Variants in TLL1 observed in about 807,000 individuals in gnomAD.
TLL1 encodes tolloid-like protein 1.
TLL1 carries 49 observed loss-of-function variants against 128.2 expected under a neutral mutation model. The observed-to-expected ratio is 0.38, with a 90% CI of 0.30 to 0.48. TLL1 has a LOEUF of 0.48. Among genes scored for constraint, TLL1 ranks in the 20% least tolerant of loss-of-function variants. TLL1 has a pLI of 0.96. For missense variants in TLL1, 1,123 were observed against 1,242.0 expected (o/e 0.90, Z 1.44); for synonymous variants, 454 against 418.8 (o/e 1.08, Z -1.03).
intron 1 of TLL1, among the ~76,000 whole-genome samples, chr4:165,986,639 CT>C (rs1298831195): frequency 1.3e-5 from 2 of 151,966 alleles, no homozygotes; most frequent in African/African-American, 4.8e-5. Flanking sequence ...AATAAATGGG[CT>C]TATGTCCTCC....
At chr4:165,957,471 A>ATT (rs35706378) in intron 1 of TLL1, among the ~76,000 whole-genome samples, 1,944 of 150,338 alleles carry the variant, frequency 0.013, 55 homozygotes, top group African/African-American at 0.044. Context: ...GAAATTCTGG[A>ATT]TTTTTTTTTT....
chr4:165,951,148 T>C (rs951097808), intron 1 of TLL1, among the ~76,000 whole-genome samples: 3 of 152,130 alleles, frequency 2.0e-5, no homozygotes, highest in Non-Finnish European at 2.9e-5. Context: ...AAAGACTAGA[T>C]GAAATAGACA....
intron 1 of TLL1, among the ~76,000 whole-genome samples, chr4:165,888,275 T>A (rs1187987121): frequency 1.3e-5 from 2 of 152,204 alleles, no homozygotes; most frequent in Non-Finnish European, 2.9e-5. Flanking sequence ...ACATAGGCAC[T>A]TTTTATCAAA....
At chr4:165,913,297 T>C (rs1471852037) in intron 1 of TLL1, among the ~76,000 whole-genome samples, 1 of 152,200 alleles carries the variant, frequency 6.6e-6, no homozygotes, top group East Asian at 1.9e-4. Context: ...TTTATATCCT[T>C]ATGTTGCTGA....
At chr4:165,990,009 A>G (rs1736565575) in intron 2 of TLL1, among the ~76,000 whole-genome samples, 1 of 151,902 alleles carries the variant, frequency 6.6e-6, no homozygotes, top group Non-Finnish European at 1.5e-5. Flanking sequence ...TTGAAATTAT[A>G]TAGGAATAAT....
chr4:166,042,153 A>G lies in TLL1; in HGVS notation c.1378+10A>G. ...GCAGCTGTCTATGAAGGTAAGTCACATTGAATTTTAGAGAGTAGTTCATCT... is the reference window on the plus strand; with the variant it reads ...GCAGCTGTCTATGAAGGTAAGTCACGTTGAATTTTAGAGAGTAGTTCATCT... On this transcript the variant is annotated intron_variant, in intron 11 of 20. Transcript: ENST00000061240. The G allele has an allele frequency of 6.4e-7, 1 of 1,566,726 alleles. No homozygotes were observed. The highest frequency in any genetic ancestry group is 8.8e-7 in the Non-Finnish European group (1 of 1,137,852).
chr4:166,020,478 G>A (rs1255602433), intron 8 of TLL1, among the ~76,000 whole-genome samples: 4 of 152,148 alleles, frequency 2.6e-5, no homozygotes, highest in Non-Finnish European at 5.9e-5. Flanking sequence ...TATACGAGTT[G>A]TAACGTATTT....
At chr4:165,913,484 G>A (rs1732637747) in intron 1 of TLL1, among the ~76,000 whole-genome samples, 1 of 152,114 alleles carries the variant, frequency 6.6e-6, no homozygotes, top group Non-Finnish European at 1.5e-5. Flanking sequence ...AGAAATTCAG[G>A]GCAAAGCTGA....
rs1737842969 is a variant in TLL1 at position 166,014,442 on chromosome 4, G to A, written c.924G>A (p.Met308Ile). The A allele has an allele frequency of 1.9e-6, 3 of 1,611,958 alleles. No homozygotes were observed. Among genetic ancestry groups the A allele is most frequent in the African/African-American group, 2.7e-5 (2 of 74,760 alleles). ...TGCTTCTGCTTTTTTTCAGGGGGAT[G>A]TTTCTGGATACCATTCTCCCCTCCC... is the stretch of plus-strand genomic sequence containing the variant. ...HYARNTFSRG[M>I]FLDTILPSRD... Residue 308 changes from methionine to isoleucine, a missense_variant, in exon 8 of 21, where the codon ATG becomes ATA. Met to Ile is a conservative substitution (Grantham distance 10). Coordinates refer to ENST00000061240, the MANE Select transcript of TLL1 (RefSeq NM_012464.5).
intron 15 of TLL1, among the ~76,000 whole-genome samples, chr4:166,064,503 A>G (rs939790948): frequency 1.3e-5 from 2 of 152,104 alleles, no homozygotes; most frequent in African/African-American, 2.4e-5. Flanking sequence ...GTGTTAACAT[A>G]TTCTTGTGTT....
At chr4:165,997,419 T>A (rs988186671) in intron 5 of TLL1, among the ~76,000 whole-genome samples, 1 of 152,190 alleles carries the variant, frequency 6.6e-6, no homozygotes, top group Non-Finnish European at 1.5e-5. Flanking sequence ...GTCATTGATA[T>A]TGATGGAACA....
At chr4:165,910,779 C>T (rs748857272) in intron 1 of TLL1, among the ~76,000 whole-genome samples, 14 of 152,058 alleles carry the variant, frequency 9.2e-5, no homozygotes, top group Non-Finnish European at 1.8e-4. Context: ...TTGTTATAGC[C>T]CATTATCCAA....
At chr4:166,099,225 G>T in intron 19 of TLL1, 52 bp from the exon 20 acceptor site, 2 of 1,612,260 alleles carry the variant, frequency 1.2e-6, no homozygotes, top group Middle Eastern at 1.7e-4. Flanking sequence ...ATTTAAATTG[G>T]ACCCGTTAAA....
intron 5 of TLL1, among the ~76,000 whole-genome samples, chr4:165,999,362 C>T (rs929723155): frequency 3.3e-5 from 5 of 152,094 alleles, no homozygotes; most frequent in African/African-American, 1.2e-4. Flanking sequence ...CCAAAGGAAA[C>T]TTACAATCAT....
intron 1 of TLL1, among the ~76,000 whole-genome samples, chr4:165,916,198 G>A (rs1258852671): frequency 6.6e-6 from 1 of 152,122 alleles, no homozygotes; most frequent in Non-Finnish European, 1.5e-5. Context: ...ATAGGGTAGA[G>A]GGACCCACTG....
chr4:166,052,116 A>G (rs551959139), intron 12 of TLL1, among the ~76,000 whole-genome samples: 227 of 152,262 alleles, frequency 1.5e-3, no homozygotes, highest in Admixed American at 2.9e-3. Flanking sequence ...CTTTTTAATC[A>G]TTGAAGAAAT....
At chr4:166,089,689 C>A (rs1208143373) in intron 18 of TLL1, among the ~76,000 whole-genome samples, 1 of 152,094 alleles carries the variant, frequency 6.6e-6, no homozygotes. Context: ...TAGCCAGTAT[C>A]TTTGATCAAA....
At chr4:166,075,147 A>G (rs1740966886) in intron 17 of TLL1, 144 bp downstream of exon 17, 1 of 1,146,398 alleles carries the variant, frequency 8.7e-7, no homozygotes, top group Non-Finnish European at 1.3e-6. Flanking sequence ...ATTCTGTGTA[A>G]TGTCCAAAGA....
At chr4:166,076,541 A>G (rs1741036404) in intron 17 of TLL1, among the ~76,000 whole-genome samples, 1 of 152,214 alleles carries the variant, frequency 6.6e-6, no homozygotes, top group South Asian at 2.1e-4. Flanking sequence ...ATCCAGACGC[A>G]CTTTCATAAA....
Sources: gnomAD v4.1 joint callset for allele counts (sites outside exome capture counted in the v4.1 genomes callset) on GRCh38, gnomAD v4.1.1 for gene constraint, MANE v1.5 for transcripts, NCBI Gene and HGNC (gene_info 2026-07-23, HGNC 2026-07-21) for gene names.